The following RSPO3 variants were observed in gnomAD, a reference collection of about 807,000 sequenced individuals.
RSPO3 encodes R-spondin 3, also known as R-spondin-3.
Under a neutral mutation model 36.5 loss-of-function variants are expected in RSPO3, and 17 were observed. The observed-to-expected ratio is 0.47, with a 90% confidence interval of 0.32 to 0.70. The LOEUF is 0.70. RSPO3 is among the 30% of genes least tolerant of loss of function. The pLI is 0.04. For synonymous variants in RSPO3, 108 were observed against 107.0 expected (o/e 1.01, Z -0.06); for missense variants, 294 against 322.5 (o/e 0.91, Z 0.68).
In RSPO3 at chr6:127,175,917, C is replaced by T. The variant is rs558905628; in HGVS notation, c.635-19906C>T. 4.0e-5 allele frequency among the ~76,000 whole-genome samples: 6 copies of T among 151,816 alleles called. No homozygotes were observed. In the South Asian group the frequency reaches 1.2e-3, roughly 31 times the overall value. ...GTATTGTTAGCCAAATTCTAAGATT[C>T]ATCTTAAATTGTTTTCTTATAAGAA... is the stretch of plus-strand genomic sequence containing the variant. On this transcript the variant is annotated intron_variant, in intron 4 of 4. Coordinates refer to ENST00000356698, the MANE Select transcript of RSPO3 (RefSeq NM_032784.5).
chr6:127,147,555 C>A (rs1048779954), intron 1 of RSPO3, among the ~76,000 whole-genome samples: 1 of 152,078 alleles, frequency 6.6e-6, no homozygotes, highest in Non-Finnish European at 1.5e-5. Context: ...ATCCTAAACA[C>A]CAGCTATATG....
chr6:127,181,189 C>A (rs1027608008), intron 4 of RSPO3, among the ~76,000 whole-genome samples: 1 of 151,810 alleles, frequency 6.6e-6, no homozygotes, highest in Non-Finnish European at 1.5e-5. Context: ...ATTACTGCAT[C>A]CCTCCTCACC....
intron 4 of RSPO3, among the ~76,000 whole-genome samples, chr6:127,172,818 G>A (rs1369486215): frequency 6.6e-6 from 1 of 151,704 alleles, no homozygotes; most frequent in Non-Finnish European, 1.5e-5. Flanking sequence ...GGCTTTGAGT[G>A]TGAGTAGTAG....
At chr6:127,123,031 G>A (rs191101625) in intron 1 of RSPO3, among the ~76,000 whole-genome samples, 5 of 151,852 alleles carry the variant, frequency 3.3e-5, no homozygotes, top group African/African-American at 7.3e-5. Context: ...ATAAAACTTC[G>A]CAAGTCTTTC....
At chr6:127,139,106 A>G (rs1463209478) in intron 1 of RSPO3, among the ~76,000 whole-genome samples, 8 of 152,220 alleles carry the variant, frequency 5.3e-5, no homozygotes, top group Non-Finnish European at 1.0e-4. Flanking sequence ...ATAAAGATGC[A>G]TCATACTTAC....
chr6:127,177,511 G>T (rs569399321), intron 4 of RSPO3, among the ~76,000 whole-genome samples: 124 of 151,960 alleles, frequency 8.2e-4, no homozygotes, highest in African/African-American at 2.7e-3. Flanking sequence ...ATCAATTTGA[G>T]ATTAGCACCA....
chr6:127,170,996 C>T (rs1393953884), intron 4 of RSPO3, among the ~76,000 whole-genome samples: 1 of 151,630 alleles, frequency 6.6e-6, no homozygotes, highest in Non-Finnish European at 1.5e-5. Flanking sequence ...CTTAATGCCA[C>T]TGAACTGTAC....
chr6:127,148,784 T>C lies in RSPO3; in HGVS notation c.234T>C (p.Ser78=), dbSNP rs1193956146. Residue 78 remains serine (S), a synonymous_variant, in exon 2 of 5, where the codon TCT becomes TCC. Coordinates refer to ENST00000356698, the MANE Select transcript of RSPO3 (RefSeq NM_032784.5). ...TGAAGCAGATTGGAGTATGTCTCTC[T>C]TCATGTCCAAGTGGATATTATGGAA... ...IGMKQIGVCL[S]SCPSGYYGTR... is the part of the protein sequence containing the mutation. 5 of 1,612,956 alleles carry C rather than the reference T, an allele frequency of 3.1e-6. No homozygotes were observed. The highest frequency in any genetic ancestry group is 1.3e-5 in the African/African-American group (1 of 74,872).
intron 1 of RSPO3, among the ~76,000 whole-genome samples, chr6:127,125,406 C>T (rs1330524450): frequency 6.6e-6 from 1 of 152,194 alleles, no homozygotes; most frequent in African/African-American, 2.4e-5. Flanking sequence ...GTTCCAGATC[C>T]AGCATTGCTG....
At chr6:127,129,095 G>A (rs187420121) in intron 1 of RSPO3, among the ~76,000 whole-genome samples, 43 of 152,134 alleles carry the variant, frequency 2.8e-4, no homozygotes, top group African/African-American at 1.0e-3. Context: ...AGAAATAAAT[G>A]TCCTTTTCTT....
rs1775532456 is a variant in RSPO3, at chr6:127,197,229, G to A, written c.*1222G>A. The A allele has an allele frequency of 1.7e-6, 1 of 597,162 alleles. No individual in the cohort carries two copies. Among genetic ancestry groups the A allele is most frequent in the East Asian group, 3.0e-5 (1 of 33,570 alleles). 37.0% of individuals were successfully genotyped at this position (597,162 alleles called of 1,614,324 possible). On this transcript the variant is annotated 3_prime_UTR_variant, in exon 5 of 5. Coordinates refer to ENST00000356698, the MANE Select transcript of RSPO3 (RefSeq NM_032784.5). ...CTGAGCCAATGGAGATTTACTTATA[G>A]CGTATTAGGAGATATTTATTCCATT...
At position 127,139,596 on chromosome 6, in the gene RSPO3, TAA is replaced by T. The variant is rs1774229050; in HGVS notation, c.98-9051_98-9050del. On this transcript the variant is annotated intron_variant, in intron 1 of 4. Coordinates refer to ENST00000356698, the MANE Select transcript of RSPO3 (RefSeq NM_032784.5). ...ATTTCTAACCTTAAAAAAAAATTTC[TAA>T]TTATTTCTAACCTTAAAAAAAAATG... is the stretch of plus-strand genomic sequence containing the variant. Among the ~76,000 whole-genome samples, 3 of 152,096 alleles carry T rather than the reference TAA, an allele frequency of 2.0e-5. No homozygotes were observed. The East Asian group carries it at 5.8e-4, about 29-fold the overall frequency.
rs535701170 is a variant in RSPO3, at chr6:127,168,564, T to C, written c.634+13126T>C. ...CCATTCTGTAGGTTATTCACTCTGA[T>C]GGTAGTTTCTTTTGCTGTGCAGAAG... On this transcript the variant is annotated intron_variant, in intron 4 of 4. Transcript: ENST00000356698. 9.2e-5 allele frequency among the ~76,000 whole-genome samples: 14 copies of C among 152,172 alleles called. No individual in the cohort carries two copies. The East Asian group carries it at 2.3e-3, about 25-fold the overall frequency.
intron 4 of RSPO3, among the ~76,000 whole-genome samples, chr6:127,171,215 C>T (rs1246700252): frequency 6.6e-6 from 1 of 151,632 alleles, no homozygotes; most frequent in African/African-American, 2.4e-5. Flanking sequence ...TTTGACATTC[C>T]TGTGGACTTT....
chr6:127,124,718 T>G (rs1162811716), intron 1 of RSPO3, among the ~76,000 whole-genome samples: 1 of 152,104 alleles, frequency 6.6e-6, no homozygotes, highest in African/African-American at 2.4e-5. Context: ...ACTAAACACA[T>G]GAAGTACAGC....
At chr6:127,136,220 A>AT (rs755495400) in intron 1 of RSPO3, among the ~76,000 whole-genome samples, 37 of 152,186 alleles carry the variant, frequency 2.4e-4, no homozygotes, top group Non-Finnish European at 2.8e-4. Flanking sequence ...TATGTGTTTA[A>AT]TAATGGCCTT....
At chr6:127,124,268 C>T (rs1773898480) in intron 1 of RSPO3, among the ~76,000 whole-genome samples, 1 of 152,088 alleles carries the variant, frequency 6.6e-6, no homozygotes, top group South Asian at 2.1e-4. Context: ...CTTCCTACTT[C>T]TTCACTATTC....
Position 127,195,930 on chromosome 6 carries a change from C to T in RSPO3, c.742C>T (p.Arg248Ter), listed in dbSNP as rs778013219. The T allele has an allele frequency of 1.2e-5, 20 of 1,612,992 alleles. No homozygotes were observed. Among genetic ancestry groups the T allele is most frequent in the Admixed American group, 5.0e-5 (3 of 59,912 alleles). Residue 248 changes from arginine (R) to a stop codon, truncating the protein, a stop_gained, in exon 5 of 5, where the codon CGA becomes TGA. Coordinates refer to ENST00000356698, the MANE Select transcript of RSPO3 (RefSeq NM_032784.5). LOFTEE classifies it high-confidence loss of function. ...LESSKEIPEQ[R>*]ENKQQQKKRK... is the part of the protein sequence containing the mutation. ...ATCCAGCAAAGAAATCCCAGAGCAA[C>T]GAGAAAACAAACAGCAGCAGAAGAA...
At chr6:127,131,723 TC>T (rs1417960575) in intron 1 of RSPO3, among the ~76,000 whole-genome samples, 2 of 151,998 alleles carry the variant, frequency 1.3e-5, no homozygotes, top group Non-Finnish European at 2.9e-5. Context: ...ATGTCAGTTT[TC>T]CCCCCACTAG....
Sources: gnomAD v4.1 joint callset for allele counts (sites outside exome capture counted in the v4.1 genomes callset) on GRCh38, gnomAD v4.1.1 for gene constraint, MANE v1.5 for transcripts, NCBI Gene and HGNC (gene_info 2026-07-23, HGNC 2026-07-21) for gene names.